The following SEL1L3 variants were observed in gnomAD, a reference collection of about 807,000 sequenced individuals.
The protein encoded by SEL1L3 is SEL1L family member 3.
In SEL1L3, 76 loss-of-function variants were observed where a neutral mutation model predicts 142.8. The ratio of observed to expected loss-of-function variants is 0.53; its 90% CI spans 0.44 to 0.64. The LOEUF (loss-of-function observed/expected upper bound fraction) is 0.64, where lower values mean the gene tolerates loss of function less well. Ranked by LOEUF, SEL1L3 falls within the 30% of genes least tolerant of loss-of-function variation. SEL1L3 has a pLI of 0.00. For missense variants in SEL1L3, 1,262 were observed against 1,381.7 expected, an observed-to-expected ratio of 0.91 and a Z score of 1.37; for synonymous variants, 504 against 519.6, an observed-to-expected ratio of 0.97 and a Z score of 0.41.
the SEL1L3 span, among the ~76,000 whole-genome samples, chr4:25,728,360 C>T: frequency 6.6e-6 from 1 of 152,128 alleles, no homozygotes; most frequent in African/African-American, 2.4e-5. Context: ...CTCTTCTGAG[C>T]TCCTTCACAG....
chr4:25,758,674 CTTT>C lies in SEL1L3; in HGVS notation c.3083+264_3083+266del, dbSNP rs200110152. ...CCTGGGCTTTTTCTTTCTTTTCTTTCTTTTTTTTTTTTTTCTTTTAGTAGAGAT... is the reference window on the plus strand; with the variant it reads ...CCTGGGCTTTTTCTTTCTTTTCTTTCTTTTTTTTTTTCTTTTAGTAGAGAT... On this transcript the variant is annotated intron_variant, in intron 21 of 23. Coordinates refer to ENST00000399878, the MANE Select transcript of SEL1L3 (RefSeq NM_015187.5). 1.1e-3 allele frequency among the ~76,000 whole-genome samples: 153 copies of C among 141,340 alleles called. 4 individuals are homozygous for C. The East Asian group carries it at 0.028, about 26-fold the overall frequency. The allele number at this position is 141,340 out of a possible 152,430, so 92.7% of individuals were successfully genotyped here.
intron 17 of SEL1L3, among the ~76,000 whole-genome samples, chr4:25,775,357 G>A (rs1187067112): frequency 1.1e-4 from 17 of 152,184 alleles, no homozygotes; most frequent in Admixed American, 1.0e-3. Flanking sequence ...TCTGTTGGTT[G>A]CGTGTGCAGC....
the SEL1L3 span, among the ~76,000 whole-genome samples, chr4:25,735,645 A>G: frequency 6.6e-6 from 1 of 151,636 alleles, no homozygotes; most frequent in African/African-American, 2.4e-5. Flanking sequence ...TCTTATAAAC[A>G]TTTAACGTTA....
In SEL1L3 at chr4:25,804,673, A is replaced by T; in HGVS notation, c.1644T>A (p.Ile548=). ...TAGAGCTAATTTGGTGAAGACCATC[A>T]ATGCTAGAGAGTCTCTTTACAGCCT... The part of the protein sequence containing the change: ...FEKAVKRLSS[I]DGLHQISSIV... The change falls in exon 10 of 24, where the codon ATT becomes ATA. Residue 548 remains isoleucine, a synonymous_variant. Coordinates refer to ENST00000399878, the MANE Select transcript of SEL1L3 (RefSeq NM_015187.5). 6.2e-7 allele frequency: 1 copy of T among 1,613,572 alleles called. No individual in the cohort carries two copies. The highest frequency in any genetic ancestry group is 1.1e-5 in the South Asian group (1 of 91,072).
chr4:25,833,201 G>A (rs1715557333), intron 4 of SEL1L3, 91 bp from the exon 5 acceptor site: 1 of 803,536 alleles, frequency 1.2e-6, no homozygotes, highest in Admixed American at 2.2e-5. Flanking sequence ...GTCCTAAGAA[G>A]CTACAATACT....
At chr4:25,824,605 T>G (rs1056058479) in intron 6 of SEL1L3, among the ~76,000 whole-genome samples, 1 of 152,204 alleles carries the variant, frequency 6.6e-6, no homozygotes, top group African/African-American at 2.4e-5. Flanking sequence ...GTTTCATGCT[T>G]AGCAAGAATA....
chr4:25,735,584 TTC>T, the SEL1L3 span, among the ~76,000 whole-genome samples: 3 of 46,060 alleles, frequency 6.5e-5, no homozygotes, highest in African/African-American at 1.6e-4. Flanking sequence ...TAGCTTAATC[TTC>T]TTTTTTTATG....
chr4:25,755,881 A>C, intron 23 of SEL1L3: 5 of 984,922 alleles, frequency 5.1e-6, no homozygotes, highest in Non-Finnish European at 6.0e-6. Context: ...AATGGAAAAC[A>C]CTGACAAGAT....
the SEL1L3 span, among the ~76,000 whole-genome samples, chr4:25,732,832 C>A: frequency 6.6e-6 from 1 of 152,106 alleles, no homozygotes; most frequent in East Asian, 1.9e-4. Flanking sequence ...TTACCTCCAC[C>A]TCCCAGGTTC....
chr4:25,812,457 C>T (rs1714093557), intron 9 of SEL1L3, among the ~76,000 whole-genome samples: 2 of 152,208 alleles, frequency 1.3e-5, no homozygotes, highest in South Asian at 4.1e-4. Flanking sequence ...CAGGGGCTCA[C>T]ACCTGAAATC....
At chr4:25,718,643 G>C in the SEL1L3 span, 1 of 152,116 alleles carries the variant, frequency 6.6e-6, no homozygotes, top group Non-Finnish European at 1.5e-5. Context: ...TCCTCATAGG[G>C]ACAAGATGAG....
chr4:25,862,440 A>C (rs1717783601), intron 1 of SEL1L3, among the ~76,000 whole-genome samples: 1 of 152,042 alleles, frequency 6.6e-6, no homozygotes, highest in African/African-American at 2.4e-5. Context: ...AGAGTCCAGG[A>C]GGGAAAGGAA....
intron 14 of SEL1L3, among the ~76,000 whole-genome samples, chr4:25,782,748 G>C (rs188584488): frequency 6.6e-6 from 1 of 152,152 alleles, no homozygotes; most frequent in African/African-American, 2.4e-5. Context: ...CGCATCAATA[G>C]TGCCCTTGAA....
chr4:25,818,934 A>G lies in SEL1L3; in HGVS notation c.1424-656T>C, dbSNP rs930791573. Among the ~76,000 whole-genome samples the G allele has an allele frequency of 3.3e-5, 5 of 152,198 alleles. No homozygotes were observed. The South Asian group carries it at 1.0e-3, about 32-fold the overall frequency. On this transcript the variant is annotated intron_variant, in intron 8 of 23. Transcript: ENST00000399878. ...CCTGGGACCATTTCATGTGAACCCT[A>G]TTGGACTGGGGCATGTTTGAGATGC...
chr4:25,738,231 G>T, the SEL1L3 span, among the ~76,000 whole-genome samples: 6 of 152,206 alleles, frequency 3.9e-5, no homozygotes, highest in East Asian at 1.2e-3. Flanking sequence ...GGCTGGTTGA[G>T]TCCAGAGATG....
chr4:25,728,755 C>T, the SEL1L3 span, among the ~76,000 whole-genome samples: 1 of 151,618 alleles, frequency 6.6e-6, no homozygotes, highest in Non-Finnish European at 1.5e-5. Flanking sequence ...GGCAAAACCC[C>T]GTGTCTACTT....
chr4:25,790,650 G>GGAAGGAAA (rs1712246464), intron 11 of SEL1L3, 76 bp from the exon 12 acceptor site: 1 of 49,502 alleles, frequency 2.0e-5, no homozygotes, highest in Non-Finnish European at 4.0e-5. Context: ...AAGGAAGGAA[G>GGAAGGAAA]GAAGGAAGGA....
chr4:25,831,276 T>G (rs1407023962), intron 5 of SEL1L3, among the ~76,000 whole-genome samples: 2 of 151,982 alleles, frequency 1.3e-5, no homozygotes, highest in African/African-American at 4.8e-5. Flanking sequence ...TTTTCCCTTC[T>G]ATTAGCTTTC....
rs148933111 is a variant in SEL1L3, at chr4:25,837,874, T to C, written c.734-2551A>G. Among the ~76,000 whole-genome samples, 364 of 152,316 alleles carry C rather than the reference T, an allele frequency of 2.4e-3. 2 individuals are homozygous for C. The highest frequency in any genetic ancestry group is 8.2e-3 in the African/African-American group (340 of 41,556). On this transcript the variant is annotated intron_variant, in intron 2 of 23. Transcript: ENST00000399878. ...ATAATTGACTAGTGATGTCTTGTCA[T>C]GGGCAGTGGAATGGGTAGCAACAAT...
Sources: gnomAD v4.1 joint callset for allele counts (sites outside exome capture counted in the v4.1 genomes callset) on GRCh38, gnomAD v4.1.1 for gene constraint, MANE v1.5 for transcripts, NCBI Gene and HGNC (gene_info 2026-07-23, HGNC 2026-07-21) for gene names.